SEMA3A: variants seen among roughly 807,000 people sequenced by gnomAD.
The protein encoded by SEMA3A is semaphorin 3A, also known as semaphorin-3A.
SEMA3A carries 29 observed loss-of-function variants against 97.9 expected under a neutral mutation model. The ratio of observed to expected loss-of-function variants is 0.30; its 90% CI spans 0.22 to 0.40. The LOEUF is 0.40. Among genes scored for constraint, SEMA3A ranks in the 10% least tolerant of loss-of-function variants. The pLI is 1.00. For synonymous variants in SEMA3A, 321 were observed against 323.7 expected (o/e 0.99, Z 0.09); for missense variants, 763 against 951.3 (o/e 0.80, Z 2.60).
At chr7:84,485,151 A>G (rs1806543969) in intron 1 of SEMA3A, among the ~76,000 whole-genome samples, 2 of 152,198 alleles carry the variant, frequency 1.3e-5, no homozygotes, top group Admixed American at 6.5e-5. Flanking sequence ...TTCCTTTTCC[A>G]TATTTACTAA....
rs1229140612 is a variant in SEMA3A at position 84,448,697 on chromosome 7, T to A, written c.-246+43763A>T. Among the ~76,000 whole-genome samples the A allele has an allele frequency of 2.0e-5, 3 of 152,092 alleles. No individual in the cohort carries two copies. The East Asian group carries it at 5.8e-4, about 29-fold the overall frequency. On this transcript the variant is annotated intron_variant, in intron 1 of 3. Transcript: ENST00000424555. ...AAGAAATGGAAAAATTTAATTTTCATGATTGGAAGACTTAATAACGTTAAT... is the reference window on the plus strand; with the variant it reads ...AAGAAATGGAAAAATTTAATTTTCAAGATTGGAAGACTTAATAACGTTAAT...
rs944675400 is a variant in SEMA3A at position 84,045,701 on chromosome 7, G to T, written c.667+623C>A. 2.0e-5 allele frequency among the ~76,000 whole-genome samples: 3 copies of T among 151,852 alleles called. No homozygotes were observed. In the East Asian group the frequency reaches 5.8e-4, roughly 29 times the overall value. ...TAATAATAAGCATCTACTTGATCAAGTAGTTAAGCCAGTGCCTGAAGTTCA... is the reference window on the plus strand; with the variant it reads ...TAATAATAAGCATCTACTTGATCAATTAGTTAAGCCAGTGCCTGAAGTTCA... On this transcript the variant is annotated intron_variant, in intron 6 of 16. Transcript: ENST00000265362.
intron 1 of SEMA3A, among the ~76,000 whole-genome samples, chr7:84,452,465 T>C (rs142308463): frequency 2.0e-5 from 3 of 152,238 alleles, no homozygotes; most frequent in Middle Eastern, 3.4e-3. Flanking sequence ...GATATGGCCA[T>C]TTGAGAGAAT....
chr7:84,417,898 C>T (rs1804477033), intron 1 of SEMA3A, among the ~76,000 whole-genome samples: 1 of 152,068 alleles, frequency 6.6e-6, no homozygotes, highest in Non-Finnish European at 1.5e-5. Context: ...ATAGCAATTA[C>T]TAAGTACCAA....
intron 6 of SEMA3A, among the ~76,000 whole-genome samples, chr7:84,041,412 G>A (rs1306710926): frequency 4.6e-5 from 7 of 152,018 alleles, no homozygotes; most frequent in Admixed American, 2.6e-4. Flanking sequence ...TATAATGGCT[G>A]TGCATTATTT....
intron 1 of SEMA3A, among the ~76,000 whole-genome samples, chr7:84,475,629 A>G (rs998900026): frequency 7.9e-5 from 12 of 152,262 alleles, no homozygotes; most frequent in Admixed American, 7.8e-4. Flanking sequence ...GGAAAGTCGG[A>G]GGTGCCCCTA....
intron 1 of SEMA3A, among the ~76,000 whole-genome samples, chr7:84,486,245 G>C (rs2116444129): frequency 6.6e-6 from 1 of 152,040 alleles, no homozygotes; most frequent in East Asian, 1.9e-4. Flanking sequence ...AAAATGAGCT[G>C]GGCGTGGTGG....
chr7:84,002,266 A>G (rs940448995), intron 11 of SEMA3A, among the ~76,000 whole-genome samples: 2 of 152,202 alleles, frequency 1.3e-5, no homozygotes, highest in Non-Finnish European at 2.9e-5. Context: ...TTGGAATAAT[A>G]AAAGATTGAA....
At chr7:84,218,015 C>A (rs1167518775) in intron 3 of SEMA3A, among the ~76,000 whole-genome samples, 2 of 151,860 alleles carry the variant, frequency 1.3e-5, no homozygotes, top group East Asian at 1.9e-4. Context: ...AAAAAAAATT[C>A]TCTCATACAA....
At chr7:84,027,935 T>C (rs1008225550) in intron 6 of SEMA3A, among the ~76,000 whole-genome samples, 4 of 152,196 alleles carry the variant, frequency 2.6e-5, no homozygotes, top group Admixed American at 1.3e-4. Flanking sequence ...TATTAAGAAA[T>C]GTGTTTACCA....
At chr7:84,427,751 A>G (rs1030383047) in intron 1 of SEMA3A, among the ~76,000 whole-genome samples, 1 of 151,818 alleles carries the variant, frequency 6.6e-6, no homozygotes, top group African/African-American at 2.4e-5. Context: ...TACATGGTCC[A>G]TTCATACTGA....
intron 1 of SEMA3A, among the ~76,000 whole-genome samples, chr7:84,173,678 G>T (rs1797468003): frequency 6.6e-6 from 1 of 152,002 alleles, no homozygotes; most frequent in Non-Finnish European, 1.5e-5. Flanking sequence ...ATGACTCAAG[G>T]TTTCTACTCA....
chr7:84,404,940 A>G (rs1457954203), intron 1 of SEMA3A, among the ~76,000 whole-genome samples: 5 of 152,228 alleles, frequency 3.3e-5, no homozygotes, highest in Non-Finnish European at 7.3e-5. Context: ...CTGCAAAAAC[A>G]TGCCAAATTG....
intron 2 of SEMA3A, among the ~76,000 whole-genome samples, chr7:84,311,152 A>G (rs1228453065): frequency 3.3e-5 from 5 of 151,934 alleles, no homozygotes; most frequent in Non-Finnish European, 7.4e-5. Context: ...TACTTGTTAA[A>G]CATACTATAT....
At chr7:84,315,978 T>C (rs184459781) in intron 2 of SEMA3A, among the ~76,000 whole-genome samples, 141 of 151,514 alleles carry the variant, frequency 9.3e-4, no homozygotes, top group Admixed American at 4.3e-3. Flanking sequence ...CCTCTAATTT[T>C]ATTTTCTTTT....
At chr7:84,326,778 C>T (rs1305167184) in intron 2 of SEMA3A, among the ~76,000 whole-genome samples, 2 of 152,010 alleles carry the variant, frequency 1.3e-5, no homozygotes, top group Non-Finnish European at 2.9e-5. Flanking sequence ...ATGCAGTAGA[C>T]TGAAGCTGGA....
chr7:84,473,544 A>G (rs1806207829), intron 1 of SEMA3A, among the ~76,000 whole-genome samples: 1 of 151,780 alleles, frequency 6.6e-6, no homozygotes, highest in Admixed American at 6.6e-5. Flanking sequence ...GTGCACCACC[A>G]CGCCTGGCTA....
chr7:84,343,841 A>AAAAC (rs1193020441), intron 2 of SEMA3A, among the ~76,000 whole-genome samples: 2 of 152,028 alleles, frequency 1.3e-5, no homozygotes, highest in Admixed American at 6.6e-5. Flanking sequence ...AAAACAAAAC[A>AAAAC]AAACAAACAA....
chr7:84,442,944 C>G (rs970807332), intron 1 of SEMA3A, among the ~76,000 whole-genome samples: 1 of 151,792 alleles, frequency 6.6e-6, no homozygotes, highest in African/African-American at 2.4e-5. Flanking sequence ...ATGTATACAA[C>G]CAATAGGAGG....
Sources: allele counts gnomAD v4.1 joint callset (sites outside exome capture counted in the v4.1 genomes callset), GRCh38; gene constraint gnomAD v4.1.1; transcripts MANE v1.5; gene names NCBI Gene and HGNC (gene_info 2026-07-23, HGNC 2026-07-21).